The following ITGA1 variants were observed in gnomAD, a reference collection of about 807,000 sequenced individuals.
ITGA1 encodes integrin subunit alpha 1.
A neutral mutation model predicts 145.9 loss-of-function variants in ITGA1; 85 were observed. That is an observed-to-expected ratio of 0.58 (90% CI 0.49 to 0.70). ITGA1 has a LOEUF of 0.70. Ranked by LOEUF, ITGA1 falls within the 30% of genes least tolerant of loss-of-function variation. The pLI is 0.00. For synonymous variants in ITGA1, 520 were observed against 495.3 expected (o/e 1.05, Z -0.66); for missense variants, 1,351 against 1,418.7 (o/e 0.95, Z 0.77).
At chr5:52,915,881 T>C (rs1485276516) in intron 15 of ITGA1, among the ~76,000 whole-genome samples, 1 of 152,186 alleles carries the variant, frequency 6.6e-6, no homozygotes, top group Non-Finnish European at 1.5e-5. Context: ...GAAGATCTTA[T>C]AGAGGATGTA....
At chr5:52,863,305 G>A (rs1471930222) in intron 3 of ITGA1, among the ~76,000 whole-genome samples, 1 of 152,088 alleles carries the variant, frequency 6.6e-6, no homozygotes, top group Non-Finnish European at 1.5e-5. Context: ...AAATATATAT[G>A]CATATTATAG....
intron 1 of ITGA1, chr5:52,802,080 A>G (rs1748500488): frequency 2.4e-6 from 1 of 423,734 alleles, no homozygotes; most frequent in Non-Finnish European, 4.2e-6. Flanking sequence ...TTTTATAGGA[A>G]TTATGAGTTA....
intron 14 of ITGA1, among the ~76,000 whole-genome samples, chr5:52,912,822 C>T (rs1388676642): frequency 6.6e-6 from 1 of 151,068 alleles, no homozygotes; most frequent in East Asian, 1.9e-4. Flanking sequence ...TCTCAGCTTA[C>T]TGCACGCTCC....
chr5:52,829,938 A>G (rs947250032), intron 1 of ITGA1, among the ~76,000 whole-genome samples: 5 of 152,314 alleles, frequency 3.3e-5, no homozygotes, highest in East Asian at 1.9e-4. Flanking sequence ...TATGCTTACT[A>G]TTGAGCCTCA....
chr5:52,807,733 G>GA (rs1447555777), intron 1 of ITGA1, among the ~76,000 whole-genome samples: 2 of 152,154 alleles, frequency 1.3e-5, no homozygotes, highest in African/African-American at 4.8e-5. Context: ...AGAAAGCAGA[G>GA]AAAATGTGGC....
At chr5:52,886,448 C>G (rs934206571) in intron 7 of ITGA1, among the ~76,000 whole-genome samples, 1 of 152,144 alleles carries the variant, frequency 6.6e-6, no homozygotes. Context: ...TTAAGACAGG[C>G]GTTTCCTTGG....
At chr5:52,793,883 A>G (rs1262803572) in intron 1 of ITGA1, among the ~76,000 whole-genome samples, 1 of 152,072 alleles carries the variant, frequency 6.6e-6, no homozygotes, top group Admixed American at 6.6e-5. Flanking sequence ...CACAGGATTA[A>G]TGACTCTAGC....
At chr5:52,858,039 T>C (rs1332907189) in intron 2 of ITGA1, among the ~76,000 whole-genome samples, 1 of 152,182 alleles carries the variant, frequency 6.6e-6, no homozygotes, top group African/African-American at 2.4e-5. Flanking sequence ...ATTTATAGAG[T>C]TAGTCCTTCC....
At position 52,886,934 on chromosome 5, in the gene ITGA1, G is replaced by A. The variant is rs563161901; in HGVS notation, c.774-881G>A. On this transcript the variant is annotated intron_variant, in intron 7 of 28. Transcript: ENST00000282588. ...GCTGGGACTACAGGCGCCCGCCACCGCACCCGGCTAATTTTTTGTATTTTA... is the reference window on the plus strand; with the variant it reads ...GCTGGGACTACAGGCGCCCGCCACCACACCCGGCTAATTTTTTGTATTTTA... Among the ~76,000 whole-genome samples the A allele has an allele frequency of 2.4e-4, 37 of 152,120 alleles. No homozygotes were observed. The South Asian group carries it at 7.7e-3, about 32-fold the overall frequency.
In ITGA1 at chr5:52,898,229, T is replaced by C; in HGVS notation, c.1165-10T>C. On this transcript the variant is annotated splice_polypyrimidine_tract_variant and intron_variant, in intron 10 of 28. Coordinates refer to ENST00000282588, the MANE Select transcript of ITGA1 (RefSeq NM_181501.2). ...ATTAAATATTATTATCTTATTTATTTGCATGTAAGGACTGGGTCATGCTTG... is the reference window on the plus strand; with the variant it reads ...ATTAAATATTATTATCTTATTTATTCGCATGTAAGGACTGGGTCATGCTTG... The C allele has an allele frequency of 1.3e-6, 2 of 1,486,496 alleles. No homozygotes were observed. The highest frequency in any genetic ancestry group is 4.7e-5 in the East Asian group (2 of 42,118). The allele number at this position is 1,486,496 out of a possible 1,614,324, so 92.1% of individuals were successfully genotyped here.
intron 28 of ITGA1, among the ~76,000 whole-genome samples, chr5:52,951,914 C>T (rs572095408): frequency 9.2e-5 from 14 of 152,162 alleles, no homozygotes; most frequent in Non-Finnish European, 1.6e-4. Flanking sequence ...AACCGCGGCC[C>T]GGCGCGATGG....
chr5:52,888,415 C>T (rs1284921397), intron 8 of ITGA1, among the ~76,000 whole-genome samples: 1 of 152,108 alleles, frequency 6.6e-6, no homozygotes, highest in African/African-American at 2.4e-5. Flanking sequence ...CTTCCCTTCC[C>T]CGTCTGAGCA....
chr5:52,806,417 A>G (rs1027308401), intron 1 of ITGA1, among the ~76,000 whole-genome samples: 5 of 152,046 alleles, frequency 3.3e-5, no homozygotes, highest in Admixed American at 6.6e-5. Context: ...TATGGTCATC[A>G]AGTAGTAAAC....
At chr5:52,815,449 C>T (rs982867527) in intron 1 of ITGA1, among the ~76,000 whole-genome samples, 1 of 152,148 alleles carries the variant, frequency 6.6e-6, no homozygotes, top group Non-Finnish European at 1.5e-5. Flanking sequence ...ATCTAGCAAC[C>T]CTACATCCTG....
At chr5:52,853,614 G>T (rs76916440) in intron 2 of ITGA1, among the ~76,000 whole-genome samples, 3,529 of 152,280 alleles carry the variant, frequency 0.023, 56 homozygotes, top group Non-Finnish European at 0.035. Flanking sequence ...TCTTTCGAAA[G>T]AAATATAAGT....
intron 3 of ITGA1, among the ~76,000 whole-genome samples, chr5:52,861,978 G>A (rs1338753213): frequency 1.3e-5 from 2 of 152,016 alleles, no homozygotes; most frequent in Non-Finnish European, 2.9e-5. Flanking sequence ...AGCACTTTGG[G>A]AGGCCGAGGC....
At chr5:52,908,182 G>C (rs560608862) in intron 12 of ITGA1, among the ~76,000 whole-genome samples, 1 of 152,268 alleles carries the variant, frequency 6.6e-6, no homozygotes, top group South Asian at 2.1e-4. Context: ...AAGAGAGTAA[G>C]AGTAAAATTG....
rs1418635320 is a variant in ITGA1 at position 52,957,302 on chromosome 5, A to G, written c.*4851A>G. ...TAAAGGGCCGATGCTTAACCCTTGAACCCACTACTGTTCTTATGCCCCAAG... is the reference window on the plus strand; with the variant it reads ...TAAAGGGCCGATGCTTAACCCTTGAGCCCACTACTGTTCTTATGCCCCAAG... On this transcript the variant is annotated 3_prime_UTR_variant, in exon 29 of 29. Transcript: ENST00000282588. 1 of 151,344 alleles carries G rather than the reference A, an allele frequency of 6.6e-6. No homozygotes were observed. The highest frequency in any genetic ancestry group is 1.5e-5 in the Non-Finnish European group (1 of 67,834). 9.4% of individuals were successfully genotyped at this position (151,344 alleles called of 1,614,324 possible).
intron 28 of ITGA1, among the ~76,000 whole-genome samples, chr5:52,949,590 T>G (rs1250629419): frequency 6.6e-6 from 1 of 152,146 alleles, no homozygotes; most frequent in Non-Finnish European, 1.5e-5. Flanking sequence ...TTCCAATATA[T>G]CCTACTGCTG....
Sources: gnomAD v4.1 joint callset for allele counts (sites outside exome capture counted in the v4.1 genomes callset) on GRCh38, gnomAD v4.1.1 for gene constraint, MANE v1.5 for transcripts, NCBI Gene and HGNC (gene_info 2026-07-23, HGNC 2026-07-21) for gene names.